The following KAT6B variants were observed in gnomAD, a reference collection of about 807,000 sequenced individuals.
KAT6B encodes the protein lysine acetyltransferase 6B, also known as histone acetyltransferase KAT6B.
A neutral mutation model predicts 187.5 loss-of-function variants in KAT6B; 10 were observed. The observed-to-expected ratio is 0.05, with a 90% confidence interval of 0.03 to 0.09. The LOEUF is 0.09. KAT6B is among the 10% of genes least tolerant of loss of function. The pLI is 1.00. For missense variants in KAT6B, 1,952 were observed against 2,558.9 expected (o/e 0.76, Z 5.12); for synonymous variants, 861 against 926.8 (o/e 0.93, Z 1.29).
intron 13 of KAT6B, among the ~76,000 whole-genome samples, chr10:75,011,867 G>C (rs1418114434): frequency 1.3e-5 from 2 of 152,128 alleles, no homozygotes; most frequent in African/African-American, 4.8e-5. Flanking sequence ...CCTCCCCTGC[G>C]TCAGTTCAGA....
intron 1 of KAT6B, among the ~76,000 whole-genome samples, chr10:74,831,838 G>T (rs546689249): frequency 1.1e-4 from 16 of 152,320 alleles, no homozygotes; most frequent in African/African-American, 3.8e-4. Flanking sequence ...CAGAGACTTA[G>T]ATTGATTTAG....
At chr10:74,939,872 A>G (rs977202637) in intron 3 of KAT6B, among the ~76,000 whole-genome samples, 5 of 152,234 alleles carry the variant, frequency 3.3e-5, no homozygotes, top group African/African-American at 1.2e-4. Flanking sequence ...GTAAGAGTTT[A>G]TCCTATAGAT....
chr10:74,851,505 G>A (rs1842481768), intron 3 of KAT6B, among the ~76,000 whole-genome samples: 2 of 151,984 alleles, frequency 1.3e-5, no homozygotes, highest in Admixed American at 1.3e-4. Context: ...GCTAATTTTT[G>A]TATTTTTAGT....
chr10:74,846,742 T>G (rs1044122917), intron 3 of KAT6B, among the ~76,000 whole-genome samples: 1 of 152,152 alleles, frequency 6.6e-6, no homozygotes, highest in Non-Finnish European at 1.5e-5. Context: ...CAGCCTTAAT[T>G]AAATATTTTT....
intron 13 of KAT6B, among the ~76,000 whole-genome samples, chr10:75,000,341 C>T (rs781247786): frequency 3.9e-5 from 6 of 151,944 alleles, no homozygotes; most frequent in Admixed American, 6.5e-5. Context: ...TGGAAAAAAT[C>T]GAGGGGAAAA....
intron 3 of KAT6B, among the ~76,000 whole-genome samples, chr10:74,923,046 C>T (rs1848248356): frequency 6.6e-6 from 1 of 152,180 alleles, no homozygotes; most frequent in Non-Finnish European, 1.5e-5. Flanking sequence ...TGGAAAGATT[C>T]AAGCACCTAA....
intron 4 of KAT6B, among the ~76,000 whole-genome samples, chr10:74,968,548 A>G (rs1468512341): frequency 1.3e-5 from 2 of 152,298 alleles, no homozygotes; most frequent in African/African-American, 2.4e-5. Flanking sequence ...TCCAAAATAC[A>G]TATTTAAACA....
In KAT6B at chr10:75,022,147, GGAAGAAGAA is replaced by G. The variant is rs71929101; in HGVS notation, c.3304_3312del (p.Glu1102_Glu1104del). 70 of 1,605,902 alleles carry G rather than the reference GGAAGAAGAA, an allele frequency of 4.4e-5. No homozygotes were observed. The highest frequency in any genetic ancestry group is 6.8e-5 in the African/African-American group (5 of 73,386). ...AAGAGGATGAAGAGGAGGAAGAAGA[GGAAGAAGAA>G]GAAGAAGAAGAAGAAAATATTCAAA... On this transcript the variant is annotated inframe_deletion, in exon 16 of 18. Coordinates refer to ENST00000287239, the MANE Select transcript of KAT6B (RefSeq NM_012330.4).
At chr10:74,889,366 G>T (rs1845505778) in intron 3 of KAT6B, among the ~76,000 whole-genome samples, 1 of 152,164 alleles carries the variant, frequency 6.6e-6, no homozygotes, top group Admixed American at 6.5e-5. Flanking sequence ...TCAGCTTTGA[G>T]AACTTTAAGG....
At chr10:74,856,097 T>G (rs958585328) in intron 3 of KAT6B, among the ~76,000 whole-genome samples, 1 of 152,156 alleles carries the variant, frequency 6.6e-6, no homozygotes, top group African/African-American at 2.4e-5. Flanking sequence ...AACTTTTGAC[T>G]TTTTTTGAGA....
At chr10:74,944,201 G>C (rs1849922142) in intron 3 of KAT6B, among the ~76,000 whole-genome samples, 1 of 152,158 alleles carries the variant, frequency 6.6e-6, no homozygotes, top group South Asian at 2.1e-4. Context: ...CCCTGAGTTG[G>C]GCCCTGATGG....
intron 13 of KAT6B, among the ~76,000 whole-genome samples, chr10:75,007,454 T>G (rs796125504): frequency 8.5e-5 from 13 of 152,190 alleles, no homozygotes; most frequent in African/African-American, 2.9e-4. Flanking sequence ...AAAATGACAT[T>G]AAGATTTTTT....
intron 3 of KAT6B, among the ~76,000 whole-genome samples, chr10:74,878,086 A>T (rs970120058): frequency 2.0e-5 from 3 of 152,200 alleles, no homozygotes; most frequent in Non-Finnish European, 4.4e-5. Context: ...TCACAGCTCA[A>T]TGGAGACATT....
At chr10:74,883,686 C>T (rs567072737) in intron 3 of KAT6B, among the ~76,000 whole-genome samples, 3 of 152,066 alleles carry the variant, frequency 2.0e-5, no homozygotes, top group Non-Finnish European at 4.4e-5. Flanking sequence ...GGTGGCCAGC[C>T]CAGAGGGAAC....
chr10:74,935,891 AT>A (rs902371788), intron 3 of KAT6B, among the ~76,000 whole-genome samples: 5 of 152,140 alleles, frequency 3.3e-5, no homozygotes, highest in South Asian at 2.1e-4. Context: ...ATAGAAAATA[AT>A]TTTTTTTAAA....
At chr10:74,984,462 A>C (rs1842703896) in intron 11 of KAT6B, 1 of 153,090 alleles carries the variant, frequency 6.5e-6, no homozygotes, top group Non-Finnish European at 1.5e-5. Flanking sequence ...TTTGAAGAGA[A>C]GTAGACTGTA....
chr10:74,876,712 G>C (rs1844438634), intron 3 of KAT6B, among the ~76,000 whole-genome samples: 1 of 151,958 alleles, frequency 6.6e-6, no homozygotes, highest in South Asian at 2.1e-4. Flanking sequence ...TCAGGAGTTT[G>C]ACACCAGCCT....
chr10:74,854,551 A>G (rs552069060), intron 3 of KAT6B, among the ~76,000 whole-genome samples: 2 of 152,246 alleles, frequency 1.3e-5, no homozygotes, highest in South Asian at 4.1e-4. Context: ...GAATGATACT[A>G]GATTTAAACT....
intron 1 of KAT6B, among the ~76,000 whole-genome samples, chr10:74,831,000 G>A (rs981528263): frequency 6.6e-6 from 1 of 151,266 alleles, no homozygotes; most frequent in Non-Finnish European, 1.5e-5. Context: ...TGTTGGGCAG[G>A]CTTGTTTCAA....
Sources: allele counts gnomAD v4.1 joint callset (sites outside exome capture counted in the v4.1 genomes callset), GRCh38; gene constraint gnomAD v4.1.1; transcripts MANE v1.5; gene names NCBI Gene and HGNC (gene_info 2026-07-23, HGNC 2026-07-21).